Variants in XXYLT1 observed in about 807,000 individuals in gnomAD.
The protein encoded by XXYLT1 is xyloside xylosyltransferase 1.
Under a neutral mutation model 28.9 loss-of-function variants are expected in XXYLT1, and 20 were observed. That is an observed-to-expected ratio of 0.69 (90% confidence interval 0.49 to 1.00). The LOEUF is 1.00. Among genes scored for constraint, XXYLT1 ranks in the 50% least tolerant of loss-of-function variants. The pLI, the probability that XXYLT1 is intolerant of heterozygous loss-of-function variation, is 0.00. For synonymous variants in XXYLT1, 257 were observed against 253.8 expected (o/e 1.01, Z -0.12); for missense variants, 542 against 560.1 (o/e 0.97, Z 0.33).
At chr3:195,270,141 C>G (rs774875413) in intron 1 of XXYLT1, 1 of 410,774 alleles carries the variant, frequency 2.4e-6, no homozygotes, top group South Asian at 1.9e-5. Context: ...AGAGGCCTCA[C>G]CAAGGCCCTC....
chr3:195,136,735 G>T (rs1719221619), intron 3 of XXYLT1, among the ~76,000 whole-genome samples: 1 of 152,132 alleles, frequency 6.6e-6, no homozygotes, highest in African/African-American at 2.4e-5. Context: ...AGGTGAAGTG[G>T]GCAGCTCACA....
At chr3:195,224,838 T>C (rs1325822384) in intron 2 of XXYLT1, among the ~76,000 whole-genome samples, 1 of 152,158 alleles carries the variant, frequency 6.6e-6, no homozygotes, top group East Asian at 1.9e-4. Context: ...GTGGGGAAAC[T>C]GGTGAGGCCA....
At chr3:195,125,899 A>G (rs1471685600) in intron 3 of XXYLT1, among the ~76,000 whole-genome samples, 2 of 152,144 alleles carry the variant, frequency 1.3e-5, no homozygotes, top group Non-Finnish European at 2.9e-5. Flanking sequence ...CGCCCAGACA[A>G]CACTGCCCTC....
At position 195,257,909 on chromosome 3, in the gene XXYLT1, C is replaced by A. The variant is rs894100711; in HGVS notation, c.504+12646G>T. 6.6e-6 allele frequency among the ~76,000 whole-genome samples: 1 copy of A among 152,122 alleles called. No individual in the cohort carries two copies. The highest frequency in any genetic ancestry group is 1.9e-4 in the East Asian group (1 of 5,190). ...TCCAAGCTCCCTGCCCCCCAGCCAG[C>A]CTCTCCATCCTCACAAAGCAGCCCC... On this transcript the variant is annotated intron_variant, in intron 1 of 3. Transcript: ENST00000310380. This position sits in a 1 kb window ranked among gnomAD's most constrained non-coding sequence, Gnocchi z 4.3.
At chr3:195,252,996 G>A (rs1401486195) in intron 1 of XXYLT1, among the ~76,000 whole-genome samples, 3 of 152,144 alleles carry the variant, frequency 2.0e-5, no homozygotes, top group Non-Finnish European at 4.4e-5. Context: ...AGAAACAAGG[G>A]CTCAAGGGAA....
chr3:195,264,202 A>C (rs534897257), intron 1 of XXYLT1, among the ~76,000 whole-genome samples: 177 of 152,366 alleles, frequency 1.2e-3, no homozygotes, highest in Non-Finnish European at 2.0e-3. Flanking sequence ...AACTCAGGCC[A>C]AGAAATAAGG....
At chr3:195,099,704 A>G (rs933656442) in intron 3 of XXYLT1, among the ~76,000 whole-genome samples, 7 of 151,972 alleles carry the variant, frequency 4.6e-5, no homozygotes, top group Admixed American at 3.9e-4. Flanking sequence ...GGTGGTGGGC[A>G]CCTGCAGTCC....
intron 2 of XXYLT1, among the ~76,000 whole-genome samples, chr3:195,157,650 C>G (rs577625223): frequency 2.4e-4 from 36 of 152,300 alleles, no homozygotes; most frequent in South Asian, 2.1e-4. Flanking sequence ...CCAAGCTGAC[C>G]AGGACCCTGC....
At chr3:195,073,471 G>C (rs1190566721) in intron 3 of XXYLT1, among the ~76,000 whole-genome samples, 3 of 152,158 alleles carry the variant, frequency 2.0e-5, no homozygotes, top group Non-Finnish European at 4.4e-5. Context: ...AAGTTTCTCT[G>C]ACTAACCCCT....
chr3:195,128,555 G>A (rs377412212), intron 3 of XXYLT1, among the ~76,000 whole-genome samples: 4 of 152,130 alleles, frequency 2.6e-5, no homozygotes, highest in Non-Finnish European at 5.9e-5. Flanking sequence ...ACTCTTACCT[G>A]CACACCCCGG....
At chr3:195,090,568 A>G (rs1716075894) in intron 3 of XXYLT1, among the ~76,000 whole-genome samples, 1 of 151,350 alleles carries the variant, frequency 6.6e-6, no homozygotes, top group African/African-American at 2.5e-5. Context: ...GCCACAAGAG[A>G]AAGCAGGAAA....
At chr3:195,249,327 G>C (rs966283074) in intron 1 of XXYLT1, among the ~76,000 whole-genome samples, 1 of 152,152 alleles carries the variant, frequency 6.6e-6, no homozygotes, top group Admixed American at 6.5e-5. Flanking sequence ...ACTTCTCTAA[G>C]CAGCACCATG....
At chr3:195,152,865 T>C (rs1446656137) in intron 3 of XXYLT1, 2 of 152,230 alleles carry the variant, frequency 1.3e-5, no homozygotes, top group African/African-American at 4.8e-5. Flanking sequence ...AAGATTTGGT[T>C]TTGTGCTGTT....
chr3:195,213,253 T>G (rs1349863705), intron 2 of XXYLT1, among the ~76,000 whole-genome samples: 1 of 146,630 alleles, frequency 6.8e-6, no homozygotes, highest in Non-Finnish European at 1.5e-5. Context: ...AGGGCAGCAC[T>G]TCTTTCTTTC....
intron 1 of XXYLT1, among the ~76,000 whole-genome samples, chr3:195,266,002 G>C (rs1725837780): frequency 6.6e-6 from 1 of 152,218 alleles, no homozygotes; most frequent in African/African-American, 2.4e-5. Context: ...ACATGGAAGG[G>C]ATAAGTCTTG....
intron 2 of XXYLT1, among the ~76,000 whole-genome samples, chr3:195,201,982 G>T (rs144854989): frequency 8.1e-4 from 124 of 152,286 alleles, no homozygotes; most frequent in East Asian, 2.9e-3. Context: ...TTCAAGACCA[G>T]CCTGACCAAC....
At chr3:195,143,258 C>T (rs576875503) in intron 3 of XXYLT1, among the ~76,000 whole-genome samples, 70 of 152,290 alleles carry the variant, frequency 4.6e-4, no homozygotes, top group African/African-American at 1.6e-3. Context: ...CCAACCAAAG[C>T]CTTGCGGGGT....
At chr3:195,110,416 C>G (rs1486614240) in intron 3 of XXYLT1, among the ~76,000 whole-genome samples, 48 of 4,350 alleles carry the variant, frequency 0.011, no homozygotes, top group South Asian at 0.018. Flanking sequence ...ATAAGTGCGT[C>G]TGTGGTGTAT....
At chr3:195,113,892 T>C (rs1224321350) in intron 3 of XXYLT1, among the ~76,000 whole-genome samples, 2 of 152,128 alleles carry the variant, frequency 1.3e-5, no homozygotes, top group African/African-American at 4.8e-5. Context: ...GTGTCTGAGT[T>C]GGCCATGAAT....
Sources: allele counts gnomAD v4.1 joint callset (sites outside exome capture counted in the v4.1 genomes callset), GRCh38; gene constraint gnomAD v4.1.1; non-coding constraint Gnocchi (gnomAD v3.1); transcripts MANE v1.5; gene names NCBI Gene and HGNC (gene_info 2026-07-23, HGNC 2026-07-21).